Variants in F11R observed in about 807,000 individuals in gnomAD.
F11R encodes the protein F11 receptor, also known as junctional adhesion molecule A.
In F11R, 27 loss-of-function variants were observed where a neutral mutation model predicts 39.3. That is an observed-to-expected ratio of 0.69 (90% CI 0.51 to 0.95). The LOEUF is 0.95. Ranked by LOEUF, F11R falls within the 40% of genes least tolerant of loss-of-function variation. The pLI, the probability that F11R is intolerant of heterozygous loss-of-function variation, is 0.00. For synonymous variants in F11R, 131 were observed against 144.9 expected (o/e 0.90, Z 0.69); for missense variants, 335 against 372.7 (o/e 0.90, Z 0.83).
intron 1 of F11R, among the ~76,000 whole-genome samples, chr1:161,018,673 AAGCT>A (rs1649588789): frequency 6.6e-6 from 1 of 152,190 alleles, no homozygotes; most frequent in South Asian, 2.1e-4. Flanking sequence ...AGAGAAAGCC[AAGCT>A]AGAATGCAGG....
chr1:161,000,945 A>G, intron 3 of F11R, 75 bp downstream of exon 3: 1 of 1,503,770 alleles, frequency 6.6e-7, no homozygotes, highest in East Asian at 2.3e-5. Context: ...AAGGGCACAA[A>G]GTCTGGATCG....
At chr1:161,020,551 T>G (rs912512897) in intron 1 of F11R, among the ~76,000 whole-genome samples, 2 of 152,014 alleles carry the variant, frequency 1.3e-5, no homozygotes, top group Admixed American at 6.5e-5. Context: ...CCAGACCACC[T>G]CCATTTGATT....
chr1:161,015,437 CAA>C (rs1571022040), intron 1 of F11R, among the ~76,000 whole-genome samples: 3 of 142,202 alleles, frequency 2.1e-5, no homozygotes, highest in South Asian at 2.3e-4. Flanking sequence ...TACACACACA[CAA>C]AAATTAGCCA....
intron 1 of F11R, among the ~76,000 whole-genome samples, chr1:161,011,655 A>G (rs938033673): frequency 2.6e-5 from 4 of 151,866 alleles, no homozygotes; most frequent in African/African-American, 4.8e-5. Context: ...GCTGGAGCCC[A>G]GGAAGTGGAG....
At chr1:161,007,499 T>C (rs1571014631) in intron 1 of F11R, among the ~76,000 whole-genome samples, 1 of 151,908 alleles carries the variant, frequency 6.6e-6, no homozygotes, top group East Asian at 1.9e-4. Context: ...CCCAGCTCTG[T>C]TACTTACTAG....
Position 160,998,517 on chromosome 1 carries a change from C to T in F11R, c.*354G>A. Reference sequence around the variant, plus strand: ...CAAGATACCTATTCAAAGATCCCTGCCAGCCAGGTGGGCAGTTGAGTGCAG... The same window carrying T: ...CAAGATACCTATTCAAAGATCCCTGTCAGCCAGGTGGGCAGTTGAGTGCAG... On this transcript the variant is annotated 3_prime_UTR_variant, in exon 10 of 10. Transcript: ENST00000368026. 1 of 444,518 alleles carries T rather than the reference C, an allele frequency of 2.2e-6. No homozygotes were observed. Among genetic ancestry groups the T allele is most frequent in the Non-Finnish European group, 4.0e-6 (1 of 247,414 alleles). 27.5% of individuals were successfully genotyped at this position (444,518 alleles called of 1,614,324 possible).
At chr1:161,007,368 G>A (rs1204716088) in intron 1 of F11R, among the ~76,000 whole-genome samples, 2 of 151,818 alleles carry the variant, frequency 1.3e-5, no homozygotes, top group Admixed American at 1.3e-4. Context: ...AGGAGGCTGA[G>A]GCAGGAGAAT....
chr1:161,014,928 A>AAG (rs35426273), intron 1 of F11R, among the ~76,000 whole-genome samples: 1 of 150,188 alleles, frequency 6.7e-6, no homozygotes, highest in Non-Finnish European at 1.5e-5. Context: ...AAAAAAAAAA[A>AAG]TTAGCAGGGA....
intron 1 of F11R, among the ~76,000 whole-genome samples, chr1:161,016,571 C>G (rs901856736): frequency 6.6e-6 from 1 of 151,338 alleles, no homozygotes. Flanking sequence ...GCAGGAGAAT[C>G]GCTTGAAGCC....
rs1648765810 is a variant in F11R, at chr1:161,005,749, G to C, written c.65-4396C>G. Among the ~76,000 whole-genome samples, 3 of 152,030 alleles carry C rather than the reference G, an allele frequency of 2.0e-5. No homozygotes were observed. The South Asian group carries it at 6.2e-4, about 31-fold the overall frequency. On this transcript the variant is annotated intron_variant, in intron 1 of 9. Coordinates refer to ENST00000368026, the MANE Select transcript of F11R (RefSeq NM_016946.6). Reference sequence around the variant, plus strand: ...ACCCAGGCTGGTCTCAAATTCCTGAGCTCAAGCAATTCTCCTGCCTTGGCC... The same window carrying C: ...ACCCAGGCTGGTCTCAAATTCCTGACCTCAAGCAATTCTCCTGCCTTGGCC...
rs12565932 is a variant in F11R at position 160,997,665 on chromosome 1, T to C, written c.*1206A>G. Reference sequence around the variant, plus strand: ...AGGAGCCTAGGAACCCTCAAAGACCTTTTCCCCTACTTACTTCCCACAAAA... The same window carrying C: ...AGGAGCCTAGGAACCCTCAAAGACCCTTTCCCCTACTTACTTCCCACAAAA... On this transcript the variant is annotated 3_prime_UTR_variant, in exon 10 of 10. Coordinates refer to ENST00000368026, the MANE Select transcript of F11R (RefSeq NM_016946.6). 34,313 of 152,702 alleles carry C rather than the reference T, an allele frequency of 0.22. 4,590 individuals carry two copies. Among genetic ancestry groups the C allele is most frequent in the Non-Finnish European group, 0.29 (19,641 of 67,978 alleles). 9.5% of individuals were successfully genotyped at this position (152,702 alleles called of 1,614,324 possible).
intron 1 of F11R, 141 bp downstream of exon 1, chr1:161,020,869 C>T: frequency 1.3e-6 from 1 of 769,332 alleles, no homozygotes; most frequent in Non-Finnish European, 2.3e-6. Context: ...AGGGACCAGC[C>T]AGGGGTGGAA....
At chr1:161,012,450 C>T (rs1649210484) in intron 1 of F11R, among the ~76,000 whole-genome samples, 1 of 151,354 alleles carries the variant, frequency 6.6e-6, no homozygotes, top group Non-Finnish European at 1.5e-5. Flanking sequence ...CTCTATGCCT[C>T]AGGGATATCA....
intron 1 of F11R, among the ~76,000 whole-genome samples, chr1:161,015,110 C>T (rs1027595364): frequency 8.4e-5 from 12 of 143,294 alleles, no homozygotes; most frequent in Admixed American, 6.3e-4. Flanking sequence ...AAAATATGTA[C>T]AAAAGGCTGG....
intron 1 of F11R, among the ~76,000 whole-genome samples, chr1:161,005,912 GC>G (rs1314685029): frequency 6.6e-6 from 1 of 152,104 alleles, no homozygotes; most frequent in East Asian, 1.9e-4. Flanking sequence ...GCTGAGGCGG[GC>G]AGGTCACCTG....
intron 1 of F11R, among the ~76,000 whole-genome samples, chr1:161,015,403 A>AT (rs1395106436): frequency 0.022 from 2,860 of 132,950 alleles, 30 homozygotes; most frequent in Non-Finnish European, 0.026. Flanking sequence ...ATCTCAAAAA[A>AT]AAAAATATAT....
At position 160,995,727 on chromosome 1, in the gene F11R, G is replaced by A. The variant is rs972668949; in HGVS notation, c.*3144C>T. On this transcript the variant is annotated 3_prime_UTR_variant, in exon 10 of 10. Coordinates refer to ENST00000368026, the MANE Select transcript of F11R (RefSeq NM_016946.6). ...AGGTTGTACCATTGCACTCCAGCCT[G>A]GCAACGGAGCAAGACTCCCTCACAC... 4.8e-5 allele frequency: 7 copies of A among 145,784 alleles called. No homozygotes were observed. The highest frequency in any genetic ancestry group is 2.1e-4 in the Admixed American group (3 of 14,138). The allele number at this position is 145,784 out of a possible 1,614,324, so 9.0% of individuals were successfully genotyped here. A position where few individuals can be genotyped will look rare whatever the true frequency, so the allele number is the denominator to read the frequency against.
At chr1:161,007,789 G>A (rs1316485951) in intron 1 of F11R, among the ~76,000 whole-genome samples, 1 of 152,120 alleles carries the variant, frequency 6.6e-6, no homozygotes, top group Non-Finnish European at 1.5e-5. Flanking sequence ...CCTGAAAAGT[G>A]CCTACTCCAG....
chr1:161,007,434 C>T (rs1450869999), intron 1 of F11R, among the ~76,000 whole-genome samples: 1 of 151,608 alleles, frequency 6.6e-6, no homozygotes, highest in Admixed American at 6.6e-5. Flanking sequence ...CATTGCACTC[C>T]AGCCTGGCCA....
Sources: allele counts gnomAD v4.1 joint callset (sites outside exome capture counted in the v4.1 genomes callset), GRCh38; gene constraint gnomAD v4.1.1; transcripts MANE v1.5; gene names NCBI Gene and HGNC (gene_info 2026-07-23, HGNC 2026-07-21).